The following EXOC6B variants were observed in gnomAD, a reference collection of about 807,000 sequenced individuals.
The protein encoded by EXOC6B is SEC15 homolog B.
In EXOC6B, 54 loss-of-function variants were observed where a neutral mutation model predicts 113.5. That is an observed-to-expected ratio of 0.48 (90% CI 0.38 to 0.60). The LOEUF is 0.60. Among genes scored for constraint, EXOC6B ranks in the 20% least tolerant of loss-of-function variants. The pLI is 0.00. For synonymous variants in EXOC6B, 357 were observed against 339.0 expected (o/e 1.05, Z -0.58); for missense variants, 797 against 977.5 (o/e 0.82, Z 2.46).
At chr2:72,777,128 C>A (rs1286113692) in intron 1 of EXOC6B, among the ~76,000 whole-genome samples, 1 of 152,140 alleles carries the variant, frequency 6.6e-6, no homozygotes, top group African/African-American at 2.4e-5. Context: ...GTAATCCCAG[C>A]TACTTGGGAG....
rs1433641675 is a variant in EXOC6B at position 72,379,833 on chromosome 2, T to C, written c.2018A>G (p.Lys673Arg). ...VAQTACMSACKHLATSLMQLL... is the reference protein window; with the variant it reads ...VAQTACMSACRHLATSLMQLL... Reference sequence around the variant, plus strand: ...TTGCATCAAGGATGTGGCTAAATGCTTGCAAGCTGACATACACGCTGTCTG... The same window carrying C: ...TTGCATCAAGGATGTGGCTAAATGCCTGCAAGCTGACATACACGCTGTCTG... The change falls in exon 19 of 22, where the codon AAG becomes AGG. Residue 673 changes from lysine to arginine, a missense_variant. By Grantham distance (26) the Lys-to-Arg change is conservative. Transcript: ENST00000272427. 1 of 1,612,932 alleles carries C rather than the reference T, an allele frequency of 6.2e-7. No individual in the cohort carries two copies. Among genetic ancestry groups the C allele is most frequent in the Non-Finnish European group, 8.5e-7 (1 of 1,179,440 alleles).
rs553519718 is a variant in EXOC6B at position 72,653,737 on chromosome 2, T to A, written c.669+64366A>T. On this transcript the variant is annotated intron_variant, in intron 6 of 21. Coordinates refer to ENST00000272427, the MANE Select transcript of EXOC6B (RefSeq NM_015189.3). ...TGACCAAAGTTCTTGATTTGATACCTAACATTTGAAACTAACTTCTAAGTA... is the reference window on the plus strand; with the variant it reads ...TGACCAAAGTTCTTGATTTGATACCAAACATTTGAAACTAACTTCTAAGTA... Among the ~76,000 whole-genome samples the A allele has an allele frequency of 5.9e-5, 9 of 151,946 alleles. No individual in the cohort carries two copies. In the South Asian group the frequency reaches 1.7e-3, roughly 28 times the overall value.
chr2:72,450,091 A>G (rs1400622496), intron 18 of EXOC6B, among the ~76,000 whole-genome samples: 1 of 152,206 alleles, frequency 6.6e-6, no homozygotes, highest in African/African-American at 2.4e-5. Flanking sequence ...TTTTCTATCT[A>G]TAATAATTTG....
rs1457079505 is a variant in EXOC6B at position 72,791,270 on chromosome 2, G to T, written c.113+34528C>A. Among the ~76,000 whole-genome samples the T allele has an allele frequency of 3.3e-5, 5 of 152,240 alleles. No homozygotes were observed. In the East Asian group the frequency reaches 9.6e-4, roughly 29 times the overall value. Reference sequence around the variant, plus strand: ...TATGTACACTTTGCCAGGTGTGGTGGCTCTGGCTCGTGCCTGTAATCCCAG... The same window carrying T: ...TATGTACACTTTGCCAGGTGTGGTGTCTCTGGCTCGTGCCTGTAATCCCAG... On this transcript the variant is annotated intron_variant, in intron 1 of 21. Coordinates refer to ENST00000272427, the MANE Select transcript of EXOC6B (RefSeq NM_015189.3).
At chr2:72,472,140 A>C (rs1698450374) in intron 17 of EXOC6B, among the ~76,000 whole-genome samples, 2 of 152,106 alleles carry the variant, frequency 1.3e-5, no homozygotes, top group Non-Finnish European at 2.9e-5. Context: ...TAATTTTTGC[A>C]TCTATTTTCA....
intron 18 of EXOC6B, among the ~76,000 whole-genome samples, chr2:72,451,593 T>C (rs1696920565): frequency 6.6e-6 from 1 of 151,968 alleles, no homozygotes; most frequent in Admixed American, 6.6e-5. Flanking sequence ...TTAAAAAATA[T>C]GTAACATAAT....
At chr2:72,441,765 G>A (rs543622425) in intron 18 of EXOC6B, among the ~76,000 whole-genome samples, 8 of 151,538 alleles carry the variant, frequency 5.3e-5, no homozygotes, top group Middle Eastern at 3.4e-3. Flanking sequence ...ACCACCCCCC[G>A]CCCAACAAAA....
chr2:72,488,913 G>A (rs185249329), intron 16 of EXOC6B, among the ~76,000 whole-genome samples: 8 of 152,246 alleles, frequency 5.3e-5, no homozygotes, highest in East Asian at 1.9e-4. Flanking sequence ...AAGGCTTTAC[G>A]ACGGCCTACC....
At chr2:72,492,247 G>C (rs1277886591) in intron 16 of EXOC6B, 71 bp downstream of exon 16, 31 of 764,630 alleles carry the variant, frequency 4.1e-5, no homozygotes, top group Non-Finnish European at 6.6e-5. Context: ...AACGAATTCA[G>C]ACATAAGGCC....
chr2:72,678,371 C>T (rs951580730), intron 6 of EXOC6B, among the ~76,000 whole-genome samples: 9 of 152,116 alleles, frequency 5.9e-5, no homozygotes, highest in Non-Finnish European at 7.4e-5. Context: ...TGAAACAGTG[C>T]GGCTAGAGGT....
At chr2:72,379,642 G>A (rs896724821) in intron 19 of EXOC6B, 87 bp downstream of exon 19, 2 of 1,340,680 alleles carry the variant, frequency 1.5e-6, no homozygotes, top group East Asian at 2.5e-5. Flanking sequence ...TAGGAACAAG[G>A]ACCCTAAACA....
chr2:72,309,046 T>C (rs1352432573), intron 20 of EXOC6B, among the ~76,000 whole-genome samples: 1 of 152,076 alleles, frequency 6.6e-6, no homozygotes, highest in Non-Finnish European at 1.5e-5. Flanking sequence ...ATAAGTCATC[T>C]CAAGCAGAAT....
intron 18 of EXOC6B, among the ~76,000 whole-genome samples, chr2:72,444,303 C>T (rs553598089): frequency 1.3e-5 from 2 of 152,354 alleles, no homozygotes; most frequent in Admixed American, 6.5e-5. Context: ...GCCCCTGTGG[C>T]TTTGCAGAGT....
intron 6 of EXOC6B, among the ~76,000 whole-genome samples, chr2:72,653,648 G>T (rs191423913): frequency 6.7e-4 from 99 of 146,964 alleles, no homozygotes; most frequent in African/African-American, 2.5e-3. Flanking sequence ...AGTTGAAAGA[G>T]ATCTAAAAAT....
At chr2:72,376,797 T>C (rs1171227448) in intron 19 of EXOC6B, among the ~76,000 whole-genome samples, 2 of 152,182 alleles carry the variant, frequency 1.3e-5, no homozygotes, top group East Asian at 1.9e-4. Flanking sequence ...GCATGTCAAA[T>C]TTTAGCTTTT....
At chr2:72,499,682 T>C (rs1700220949) in intron 12 of EXOC6B, among the ~76,000 whole-genome samples, 1 of 152,044 alleles carries the variant, frequency 6.6e-6, no homozygotes, top group Admixed American at 6.6e-5. Flanking sequence ...AATGTGGTAC[T>C]GCTACTGGTG....
intron 20 of EXOC6B, among the ~76,000 whole-genome samples, chr2:72,253,413 C>T (rs1363678873): frequency 1.3e-5 from 2 of 152,166 alleles, no homozygotes; most frequent in African/African-American, 4.8e-5. Flanking sequence ...TTTCCGAGCA[C>T]TATTCACAAT....
At chr2:72,512,520 C>T (rs1329378417) in intron 11 of EXOC6B, among the ~76,000 whole-genome samples, 3 of 151,768 alleles carry the variant, frequency 2.0e-5, no homozygotes, top group Admixed American at 6.6e-5. Flanking sequence ...AAATATATGC[C>T]ACATTAAAAT....
chr2:72,514,613 T>C (rs1270803890), intron 10 of EXOC6B, 21 bp downstream of exon 10: 3 of 356,956 alleles, frequency 8.4e-6, no homozygotes, highest in Non-Finnish European at 9.5e-6. Flanking sequence ...TAAATATATA[T>C]ATATATATAT....
Sources: allele counts gnomAD v4.1 joint callset (sites outside exome capture counted in the v4.1 genomes callset), GRCh38; gene constraint gnomAD v4.1.1; transcripts MANE v1.5; gene names NCBI Gene and HGNC (gene_info 2026-07-23, HGNC 2026-07-21).